The following ISLR variants were observed in gnomAD, a reference collection of about 807,000 sequenced individuals.
ISLR encodes the protein immunoglobulin superfamily containing leucine rich repeat.
A neutral mutation model predicts 11.0 loss-of-function variants in ISLR; 9 were observed. That is an observed-to-expected ratio of 0.82 (90% CI 0.49 to 1.43). The LOEUF (loss-of-function observed/expected upper bound fraction) is 1.43. ISLR is among the 40% of genes most tolerant of loss of function. The pLI is 0.00. For synonymous variants in ISLR, 262 were observed against 264.1 expected (o/e 0.99, Z 0.08); for missense variants, 510 against 576.4 (o/e 0.88, Z 1.18).
chr15:74,176,268 C>T lies in ISLR; in HGVS notation c.*123C>T. 2.8e-6 allele frequency: 2 copies of T among 722,384 alleles called. No individual in the cohort carries two copies. The highest frequency in any genetic ancestry group is 2.8e-5 in the East Asian group (1 of 36,014). 44.7% of individuals were successfully genotyped at this position (722,384 alleles called of 1,614,324 possible). A position where few individuals can be genotyped will look rare whatever the true frequency, so the allele number is the denominator to read the frequency against. ...GGTGACTTCACATTTTCCTACCTCT[C>T]CTTCTAATCTCTTCTAGAGCACCTG... On this transcript the variant is annotated 3_prime_UTR_variant, in exon 2 of 2. Coordinates refer to ENST00000249842, the MANE Select transcript of ISLR (RefSeq NM_005545.4).
chr15:74,176,604 T>C lies in ISLR; in HGVS notation c.*459T>C. ...AAGTAGACAGTGGCTGGTATGGCTC[T>C]GAGGCTCCCTGGGGCCTGCTCAAGC... is the stretch of plus-strand genomic sequence containing the variant. On this transcript the variant is annotated 3_prime_UTR_variant, in exon 2 of 2. Coordinates refer to ENST00000249842, the MANE Select transcript of ISLR (RefSeq NM_005545.4). 1 of 177,198 alleles carries C rather than the reference T, an allele frequency of 5.6e-6. No individual in the cohort carries two copies. The highest frequency in any genetic ancestry group is 1.3e-5 in the Non-Finnish European group (1 of 75,176). The allele number at this position is 177,198 out of a possible 1,614,324, so 11.0% of individuals were successfully genotyped here.
chr15:74,175,216 A>G lies in ISLR; in HGVS notation c.358A>G (p.Asn120Asp). 2 of 1,613,496 alleles carry G rather than the reference A, an allele frequency of 1.2e-6. No individual in the cohort carries two copies. The highest frequency in any genetic ancestry group is 1.7e-6 in the Non-Finnish European group (2 of 1,179,986). ...TGACTTTGCCTGGAGCGACCTGCACAACCTCAGTGCCCTCCAATTGCTCAA... is the reference window on the plus strand; with the variant it reads ...TGACTTTGCCTGGAGCGACCTGCACGACCTCAGTGCCCTCCAATTGCTCAA... ...ISDFAWSDLH[N>D]LSALQLLKMD... The change falls in exon 2 of 2, where the codon AAC (asparagine) becomes GAC (aspartate). Residue 120 changes from asparagine (N) to aspartate (D), a missense_variant. Coordinates refer to ENST00000249842, the MANE Select transcript of ISLR (RefSeq NM_005545.4). This position sits in a 1 kb window ranked among gnomAD's most constrained non-coding sequence, Gnocchi z 4.7.
Position 74,174,981 on chromosome 15 carries a change from A to G in ISLR, c.123A>G (p.Leu41=). Residue 41 remains leucine, a synonymous_variant, in exon 2 of 2, where the codon CTA becomes CTG. Transcript: ENST00000249842. ...FQIADCAYRD[L]ESVPPGFPAN... is the part of the protein sequence containing the mutation. ...TCGCCGACTGTGCCTACCGCGACCT[A>G]GAATCCGTGCCGCCTGGCTTCCCGG... 3 of 1,613,142 alleles carry G rather than the reference A, an allele frequency of 1.9e-6. No homozygotes were observed. The highest frequency in any genetic ancestry group is 1.3e-5 in the African/African-American group (1 of 74,970).
In ISLR at chr15:74,175,083, G is replaced by A. The variant is rs758674658; in HGVS notation, c.225G>A (p.Leu75=). Reference sequence around the variant, plus strand: ...AGGGTGCCTTCAGGGAGGTGCCCCTGCTGCAGTCGCTGTGGCTGGCACACA... The same window carrying A: ...AGGGTGCCTTCAGGGAGGTGCCCCTACTGCAGTCGCTGTGGCTGGCACACA... ...LPEGAFREVP[L]LQSLWLAHNE... The change falls in exon 2 of 2, where the codon CTG becomes CTA. Residue 75 remains leucine, a synonymous_variant. Coordinates refer to ENST00000249842, the MANE Select transcript of ISLR (RefSeq NM_005545.4). The surrounding 1 kb of genome is among the most constrained non-coding windows in gnomAD (Gnocchi z 4.7). The A allele has an allele frequency of 3.1e-6, 5 of 1,611,812 alleles. No homozygotes were observed. In the South Asian group the frequency reaches 5.5e-5, roughly 18 times the overall value.
At position 74,176,399 on chromosome 15, in the gene ISLR, TC is replaced by T; in HGVS notation, c.*255del. ...TTGCTGCTAACAGCATTGCCTGTGCTCTCCTCTCAGGGGCAGCATGCTAACG... is the reference window on the plus strand; with the variant it reads ...TTGCTGCTAACAGCATTGCCTGTGCTTCCTCTCAGGGGCAGCATGCTAACG... On this transcript the variant is annotated 3_prime_UTR_variant, in exon 2 of 2. Coordinates refer to ENST00000249842, the MANE Select transcript of ISLR (RefSeq NM_005545.4). 2.2e-6 allele frequency: 1 copy of T among 448,918 alleles called. No homozygotes were observed. The highest frequency in any genetic ancestry group is 4.0e-6 in the Non-Finnish European group (1 of 247,302). 27.8% of individuals were successfully genotyped at this position (448,918 alleles called of 1,614,324 possible).
In ISLR at chr15:74,176,322, A is replaced by C; in HGVS notation, c.*177A>C. 1 of 543,026 alleles carries C rather than the reference A, an allele frequency of 1.8e-6. No homozygotes were observed. The highest frequency in any genetic ancestry group is 3.3e-6 in the Non-Finnish European group (1 of 303,944). The allele number at this position is 543,026 out of a possible 1,614,324, so 33.6% of individuals were successfully genotyped here. On this transcript the variant is annotated 3_prime_UTR_variant, in exon 2 of 2. Transcript: ENST00000249842. ...TCCCCAACTTCTAGACCTGCTCCAA[A>C]CTAGTGACTAGGATAGAATTTGATC...
In ISLR at chr15:74,175,703, G is replaced by C. The variant is rs762884175; in HGVS notation, c.845G>C (p.Ser282Thr). ...QIPSGIVEIT[S>T]PNVGTDGRAL... The stretch of plus-strand genomic sequence containing the variant: ...CCCAGTGGCATTGTGGAGATCACCA[G>C]CCCCAACGTGGGCACTGATGGGCGT... Residue 282 changes from serine (S) to threonine (T), a missense_variant, in exon 2 of 2, where the codon AGC (serine) becomes ACC (threonine). Coordinates refer to ENST00000249842, the MANE Select transcript of ISLR (RefSeq NM_005545.4). This position sits in a 1 kb window ranked among gnomAD's most constrained non-coding sequence, Gnocchi z 4.7. The C allele has an allele frequency of 3.5e-5, 57 of 1,613,996 alleles. No individual in the cohort carries two copies. The highest frequency in any genetic ancestry group is 4.7e-5 in the Non-Finnish European group (56 of 1,180,022).
intron 1 of ISLR, chr15:74,174,519 G>C (rs896284536): frequency 4.2e-6 from 1 of 238,710 alleles, no homozygotes; most frequent in Non-Finnish European, 8.1e-6. Context: ...CTGGGGGAGG[G>C]GGGTGGCTGG....
Position 74,175,188 on chromosome 15 carries a change from C to A in ISLR, c.330C>A (p.Ile110=). The change falls in exon 2 of 2, where the codon ATC becomes ATA. Residue 110 remains isoleucine (I), a synonymous_variant. Coordinates refer to ENST00000249842, the MANE Select transcript of ISLR (RefSeq NM_005545.4). This position sits in a 1 kb window ranked among gnomAD's most constrained non-coding sequence, Gnocchi z 4.7. ...GCCTGGACCTCAGCCACAATCTCAT[C>A]TCTGACTTTGCCTGGAGCGACCTGC... ...LKSLDLSHNL[I]SDFAWSDLHN... The A allele has an allele frequency of 6.2e-7, 1 of 1,613,328 alleles. No homozygotes were observed. The highest frequency in any genetic ancestry group is 8.5e-7 in the Non-Finnish European group (1 of 1,180,010).
At position 74,176,810 on chromosome 15, in the gene ISLR, G is replaced by C. The variant is rs2072800716; in HGVS notation, c.*665G>C. On this transcript the variant is annotated 3_prime_UTR_variant, in exon 2 of 2. Coordinates refer to ENST00000249842, the MANE Select transcript of ISLR (RefSeq NM_005545.4). ...CTCCCCAACTATGCATCTGTTGTCT[G>C]CTCCTCTGCAAAGGCCAGCCAGCTT... 6.0e-6 allele frequency: 1 copy of C among 167,206 alleles called. No individual in the cohort carries two copies. Among genetic ancestry groups the C allele is most frequent in the Non-Finnish European group, 1.5e-5 (1 of 68,230 alleles). The allele number at this position is 167,206 out of a possible 1,614,324, so 10.4% of individuals were successfully genotyped here.
chr15:74,175,330 T>C lies in ISLR; in HGVS notation c.472T>C (p.Leu158=), dbSNP rs1219602813. Residue 158 remains leucine, a synonymous_variant, in exon 2 of 2, where the codon TTG becomes CTG. Coordinates refer to ENST00000249842, the MANE Select transcript of ISLR (RefSeq NM_005545.4). This position sits in a 1 kb window ranked among gnomAD's most constrained non-coding sequence, Gnocchi z 4.7. Reference sequence around the variant, plus strand: ...CTCGCTGCAACTCAACCACAACCGCTTGCACACATTGGCCGAGGGCACCTT... The same window carrying C: ...CTCGCTGCAACTCAACCACAACCGCCTGCACACATTGGCCGAGGGCACCTT... The part of the protein sequence containing the change: ...LRSLQLNHNR[L]HTLAEGTFTP... 1 of 1,611,148 alleles carries C rather than the reference T, an allele frequency of 6.2e-7. No homozygotes were observed. The highest frequency in any genetic ancestry group is 8.5e-7 in the Non-Finnish European group (1 of 1,179,956).
At position 74,175,165 on chromosome 15, in the gene ISLR, C is replaced by T. The variant is rs931063761; in HGVS notation, c.307C>T (p.Leu103=). ...GGCCTCTCTGAGCCATCTCAAGAGCCTGGACCTCAGCCACAATCTCATCTC... is the reference window on the plus strand; with the variant it reads ...GGCCTCTCTGAGCCATCTCAAGAGCTTGGACCTCAGCCACAATCTCATCTC... The part of the protein sequence containing the change: ...ALASLSHLKS[L]DLSHNLISDF... The change falls in exon 2 of 2, where the codon CTG becomes TTG. Residue 103 remains leucine (L), a synonymous_variant. Coordinates refer to ENST00000249842, the MANE Select transcript of ISLR (RefSeq NM_005545.4). This position sits in a 1 kb window ranked among gnomAD's most constrained non-coding sequence, Gnocchi z 4.7. 2 of 1,612,500 alleles carry T rather than the reference C, an allele frequency of 1.2e-6. No homozygotes were observed. The highest frequency in any genetic ancestry group is 2.7e-5 in the African/African-American group (2 of 74,892).
Position 74,175,129 on chromosome 15 carries a change from G to C in ISLR, c.271G>C (p.Ala91Pro), listed in dbSNP as rs765551404. ...LAHNEIRTVA[A>P]GALASLSHLK... The stretch of plus-strand genomic sequence containing the variant: ...ACACAATGAGATCCGCACGGTGGCC[G>C]CCGGAGCCCTGGCCTCTCTGAGCCA... The change falls in exon 2 of 2, where the codon GCC (alanine) becomes CCC (proline). Residue 91 changes from alanine (A) to proline (P), a missense_variant. Transcript: ENST00000249842. This position sits in a 1 kb window ranked among gnomAD's most constrained non-coding sequence, Gnocchi z 4.7. 1.9e-6 allele frequency: 3 copies of C among 1,610,616 alleles called. No homozygotes were observed. Among genetic ancestry groups the C allele is most frequent in the East Asian group, 2.2e-5 (1 of 44,874 alleles).
chr15:74,176,366 G>A lies in ISLR; in HGVS notation c.*221G>A, dbSNP rs749124391. 7 of 491,666 alleles carry A rather than the reference G, an allele frequency of 1.4e-5. No individual in the cohort carries two copies. Among genetic ancestry groups the A allele is most frequent in the Admixed American group, 7.5e-5 (2 of 26,638 alleles). 30.5% of individuals were successfully genotyped at this position (491,666 alleles called of 1,614,324 possible). A position where few individuals can be genotyped will look rare whatever the true frequency, so the allele number is the denominator to read the frequency against. ...TTTGATCCCCTAACTCACTGTCTGC[G>A]GTGCTCATTGCTGCTAACAGCATTG... is the stretch of plus-strand genomic sequence containing the variant. On this transcript the variant is annotated 3_prime_UTR_variant, in exon 2 of 2. Coordinates refer to ENST00000249842, the MANE Select transcript of ISLR (RefSeq NM_005545.4).
Position 74,176,045 on chromosome 15 carries a change from C to T in ISLR, c.1187C>T (p.Pro396Leu). ...ATCTACCTCAGCCGTGCTGGGAACC[C>T]TGAGGCTGCAGTCGCAGAAGGGGTC... ...VIIYLSRAGN[P>L]EAAVAEGVPG... The change falls in exon 2 of 2, where the codon CCT (proline) becomes CTT (leucine). Residue 396 changes from proline to leucine, a missense_variant. Coordinates refer to ENST00000249842, the MANE Select transcript of ISLR (RefSeq NM_005545.4). 2 of 1,612,458 alleles carry T rather than the reference C, an allele frequency of 1.2e-6. No homozygotes were observed. Among genetic ancestry groups the T allele is most frequent in the South Asian group, 1.1e-5 (1 of 90,880 alleles).
In ISLR at chr15:74,176,398, C is replaced by G. The variant is rs1309744090; in HGVS notation, c.*253C>G. The G allele has an allele frequency of 1.1e-5, 5 of 452,634 alleles. No individual in the cohort carries two copies. Among genetic ancestry groups the G allele is most frequent in the East Asian group, 3.3e-5 (1 of 29,916 alleles). The allele number at this position is 452,634 out of a possible 1,614,324, so 28.0% of individuals were successfully genotyped here. A position where few individuals can be genotyped will look rare whatever the true frequency, so the allele number is the denominator to read the frequency against. ...ATTGCTGCTAACAGCATTGCCTGTG[C>G]TCTCCTCTCAGGGGCAGCATGCTAA... On this transcript the variant is annotated 3_prime_UTR_variant, in exon 2 of 2. Coordinates refer to ENST00000249842, the MANE Select transcript of ISLR (RefSeq NM_005545.4).
Position 74,174,888 on chromosome 15 carries a change from G to A in ISLR, c.30G>A (p.Ala10=), listed in dbSNP as rs776190537. 33 of 1,542,158 alleles carry A rather than the reference G, an allele frequency of 2.1e-5. No homozygotes were observed. The highest frequency in any genetic ancestry group is 6.8e-5 in the East Asian group (3 of 44,434). MQELHLLWW[A]LLLGLAQACP... is the part of the protein sequence containing the mutation. ...AGGAGCTGCATCTGCTCTGGTGGGC[G>A]CTTCTCCTGGGCCTGGCTCAGGCCT... The change falls in exon 2 of 2, where the codon GCG becomes GCA. Residue 10 remains alanine (A), a synonymous_variant. Transcript: ENST00000249842.
At chr15:74,174,725 G>T (rs949681406) in intron 1 of ISLR, 126 bp from the exon 2 acceptor site, 2 of 672,500 alleles carry the variant, frequency 3.0e-6, no homozygotes, top group Admixed American at 6.9e-5. Context: ...AGGTGGTGTT[G>T]GGATTTAGCT....
chr15:74,175,516 C>T lies in ISLR; in HGVS notation c.658C>T (p.Pro220Ser), dbSNP rs1183284786. 35 of 1,609,468 alleles carry T rather than the reference C, an allele frequency of 2.2e-5. No homozygotes were observed. Among genetic ancestry groups the T allele is most frequent in the Non-Finnish European group, 3.0e-5 (35 of 1,179,426 alleles). Residue 220 changes from proline to serine, a missense_variant, in exon 2 of 2, where the codon CCG becomes TCG. Transcript: ENST00000249842. The surrounding 1 kb of genome is among the most constrained non-coding windows in gnomAD (Gnocchi z 4.7). The part of the protein sequence containing the change: ...CTSPHVLKGT[P>S]LSRLPPLPCS... ...CTCACCCCATGTGCTCAAGGGTACG[C>T]CGCTGAGCCGCCTGCCGCCACTGCC...
Sources: allele counts gnomAD v4.1 joint callset, GRCh38; gene constraint gnomAD v4.1.1; non-coding constraint Gnocchi (gnomAD v3.1); transcripts MANE v1.5; gene names NCBI Gene and HGNC (gene_info 2026-07-23, HGNC 2026-07-21).